Variants in CCNH observed in about 807,000 individuals in gnomAD.
CCNH encodes the protein cyclin-H.
Under a neutral mutation model 41.9 loss-of-function variants are expected in CCNH, and 31 were observed. The ratio of observed to expected loss-of-function variants is 0.74; its 90% CI spans 0.56 to 1.00. The LOEUF is 1.00. Among genes scored for constraint, CCNH ranks in the 50% least tolerant of loss-of-function variants. The pLI is 0.00. For synonymous variants in CCNH, 138 were observed against 136.1 expected, an observed-to-expected ratio of 1.01 and a Z score of -0.10; for missense variants, 362 against 388.4, an observed-to-expected ratio of 0.93 and a Z score of 0.57.
chr5:87,348,973 GCTCT>G (rs1422035502), intron 9 of CCNH, among the ~76,000 whole-genome samples: 2 of 151,776 alleles, frequency 1.3e-5, no homozygotes, highest in South Asian at 2.1e-4. Context: ...CAAAATTTCT[GCTCT>G]CTATTTTTAT....
At chr5:87,366,346 A>G in intron 9 of CCNH, 1 of 430,660 alleles carries the variant, frequency 2.3e-6, no homozygotes, top group Non-Finnish European at 4.7e-6. Context: ...AGTTTATATG[A>G]ACAGATGCAG....
intron 9 of CCNH, among the ~76,000 whole-genome samples, chr5:87,357,852 A>C (rs1020375287): frequency 1.3e-5 from 2 of 152,218 alleles, no homozygotes; most frequent in Non-Finnish European, 2.9e-5. Flanking sequence ...GGTTTTGCAG[A>C]AGTGCCTATA....
intron 4 of CCNH, 130 bp from the exon 5 acceptor site, chr5:87,405,137 T>C (rs1202801110): frequency 8.0e-6 from 5 of 626,756 alleles, no homozygotes; most frequent in African/African-American, 1.9e-5. Flanking sequence ...GCACAGTAAT[T>C]GACACTGTCC....
chr5:87,402,348 A>G lies in CCNH; in HGVS notation c.690-576T>C, dbSNP rs79706463. On this transcript the variant is annotated intron_variant, in intron 5 of 8. Coordinates refer to ENST00000256897, the MANE Select transcript of CCNH (RefSeq NM_001239.4). ...CAAATCAAAGGTGTTAAACTTACTT[A>G]TCAATGTGATATAAAACCCAAATTA... 1.4e-4 allele frequency among the ~76,000 whole-genome samples: 22 copies of G among 152,244 alleles called. No homozygotes were observed. The East Asian group carries it at 4.3e-3, about 30-fold the overall frequency.
intron 9 of CCNH, chr5:87,363,635 T>C: frequency 1.0e-6 from 1 of 988,502 alleles, no homozygotes; most frequent in Non-Finnish European, 1.5e-6. Context: ...AGGTAATTTT[T>C]GCCTTCCTTG....
intron 9 of CCNH, among the ~76,000 whole-genome samples, chr5:87,354,268 A>T (rs1225115446): frequency 6.6e-6 from 1 of 152,138 alleles, no homozygotes; most frequent in Non-Finnish European, 1.5e-5. Flanking sequence ...TTTCAAAGAT[A>T]GTTTTTTTTA....
chr5:87,376,213 A>T, downstream of CCNH: 1 of 686,850 alleles, frequency 1.5e-6, no homozygotes, highest in Non-Finnish European at 2.5e-6. Context: ...ATCAGAGTTT[A>T]GTGCACCGTA....
chr5:87,366,403 C>T (rs1484689584), intron 9 of CCNH: 1 of 403,466 alleles, frequency 2.5e-6, no homozygotes, highest in East Asian at 7.2e-5. Flanking sequence ...GTCCACATTA[C>T]ACTTGATGGT....
rs554563870 is a variant in CCNH, at chr5:87,324,683, T to TAA, written c.*91-5787_*91-5786insTT. On this transcript the variant is annotated intron_variant and NMD_transcript_variant, in intron 9 of 9. Coordinates refer to the CCNH transcript ENST00000645953. The stretch of plus-strand genomic sequence containing the variant: ...CACACACATACATATGCACTCTAGT[T>TAA]ATCTGGTTATATACAAATATACCCA... 5.8e-3 allele frequency among the ~76,000 whole-genome samples: 889 copies of TAA among 152,308 alleles called. 7 individuals are homozygous for TAA. The highest frequency in any genetic ancestry group is 7.7e-3 in the South Asian group (37 of 4,834).
downstream of CCNH, chr5:87,375,057 TTAAAG>T (rs1366632020): frequency 3.4e-6 from 4 of 1,164,238 alleles, no homozygotes; most frequent in Non-Finnish European, 3.5e-6. Flanking sequence ...TCTGTACTTC[TTAAAG>T]TATTGATTAT....
chr5:87,377,150 A>G lies in CCNH; in HGVS notation n.31T>C, dbSNP rs1761384045. Reference sequence around the variant, plus strand: ...CTAAATTGTTAAATTATATTGCAAAATAAGTTATTCTGTTTTCCCTCCTTA... The same window carrying G: ...CTAAATTGTTAAATTATATTGCAAAGTAAGTTATTCTGTTTTCCCTCCTTA... On this transcript the variant is annotated non_coding_transcript_exon_variant, in exon 1 of 1. Transcript: ENST00000607486. The G allele has an allele frequency of 5.1e-6, 7 of 1,380,744 alleles. No homozygotes were observed. In the Admixed American group the frequency reaches 7.1e-5, roughly 14 times the overall value. The allele number at this position is 1,380,744 out of a possible 1,614,324, so 85.5% of individuals were successfully genotyped here.
intron 9 of CCNH, among the ~76,000 whole-genome samples, chr5:87,367,483 A>C: frequency 6.6e-6 from 1 of 152,170 alleles, no homozygotes; most frequent in East Asian, 1.9e-4. Flanking sequence ...ATGCTGAACG[A>C]ATGTTGGATG....
chr5:87,332,382 G>GTA, intron 9 of CCNH: 1 of 971,506 alleles, frequency 1.0e-6, no homozygotes, highest in Non-Finnish European at 1.5e-6. Flanking sequence ...TGGTATTTTA[G>GTA]TATAAGGATA....
chr5:87,359,930 C>T (rs1344911407), intron 9 of CCNH, among the ~76,000 whole-genome samples: 4 of 152,134 alleles, frequency 2.6e-5, no homozygotes, highest in Non-Finnish European at 2.9e-5. Flanking sequence ...CTTCACCCTT[C>T]GTGCACAGAC....
chr5:87,336,599 T>C (rs552752620), intron 9 of CCNH, among the ~76,000 whole-genome samples: 1 of 152,252 alleles, frequency 6.6e-6, no homozygotes, highest in Non-Finnish European at 1.5e-5. Flanking sequence ...AACAAGCTTA[T>C]TTAAAACTTT....
At chr5:87,370,410 T>C (rs1369963129) in intron 9 of CCNH, among the ~76,000 whole-genome samples, 1 of 152,198 alleles carries the variant, frequency 6.6e-6, no homozygotes, top group East Asian at 1.9e-4. Flanking sequence ...TCTTATAGCG[T>C]CTATTAAGTA....
At chr5:87,345,844 G>T (rs1278994889) in intron 9 of CCNH, among the ~76,000 whole-genome samples, 1 of 152,094 alleles carries the variant, frequency 6.6e-6, no homozygotes, top group African/African-American at 2.4e-5. Flanking sequence ...CCACAAAGTA[G>T]TAGATAGGTG....
intron 9 of CCNH, among the ~76,000 whole-genome samples, chr5:87,342,118 C>T (rs1180289646): frequency 1.3e-5 from 2 of 151,352 alleles, no homozygotes; most frequent in Non-Finnish European, 2.9e-5. Context: ...GAAGTCTCCT[C>T]TCTACCTATA....
intron 1 of CCNH, among the ~76,000 whole-genome samples, chr5:87,411,871 T>C (rs1477022663): frequency 6.6e-6 from 1 of 152,156 alleles, no homozygotes; most frequent in East Asian, 1.9e-4. Context: ...GAATTAAAGG[T>C]AGAAAGTAAA....
Sources: gnomAD v4.1 joint callset for allele counts (sites outside exome capture counted in the v4.1 genomes callset) on GRCh38, gnomAD v4.1.1 for gene constraint, MANE v1.5 for transcripts, NCBI Gene and HGNC (gene_info 2026-07-23, HGNC 2026-07-21) for gene names.